FMN1: variants seen among roughly 807,000 people sequenced by gnomAD.
The protein encoded by FMN1 is formin-1.
Under a neutral mutation model 132.4 loss-of-function variants are expected in FMN1, and 110 were observed. The observed-to-expected ratio is 0.83, with a 90% CI of 0.71 to 0.97. FMN1 has a LOEUF of 0.97. Ranked by LOEUF, FMN1 falls within the 50% of genes least tolerant of loss-of-function variation. FMN1 has a pLI of 0.00. For synonymous variants in FMN1, 722 were observed against 651.7 expected, an observed-to-expected ratio of 1.11 and a Z score of -1.64; for missense variants, 1,792 against 1,705.3, an observed-to-expected ratio of 1.05 and a Z score of -0.90.
intron 4 of FMN1, among the ~76,000 whole-genome samples, chr15:33,110,531 G>A (rs1245606822): frequency 6.6e-6 from 1 of 151,894 alleles, no homozygotes; most frequent in African/African-American, 2.4e-5. Context: ...TAACAAAAAG[G>A]TAAAATTCTG....
chr15:32,818,731 C>A (rs1279030722), intron 17 of FMN1, among the ~76,000 whole-genome samples: 1 of 152,022 alleles, frequency 6.6e-6, no homozygotes, highest in African/African-American at 2.4e-5. Context: ...TCAGTATATT[C>A]TTGGAAGCAA....
intron 16 of FMN1, among the ~76,000 whole-genome samples, chr15:32,876,038 T>C (rs550460640): frequency 1.3e-5 from 2 of 152,254 alleles, no homozygotes; most frequent in South Asian, 2.1e-4. Flanking sequence ...ATCACCATTA[T>C]AATTACAAGA....
chr15:32,985,124 G>A (rs1470247437), intron 7 of FMN1, among the ~76,000 whole-genome samples: 19 of 151,856 alleles, frequency 1.3e-4, no homozygotes, highest in Non-Finnish European at 2.4e-4. Context: ...TTTACCATAC[G>A]CTCTGTGTAA....
At chr15:32,907,995 C>T (rs35104469) in intron 12 of FMN1, among the ~76,000 whole-genome samples, 23,940 of 152,048 alleles carry the variant, frequency 0.16, 2,498 homozygotes, top group Non-Finnish European at 0.23. Context: ...GAAAAACAAG[C>T]ATGTACAGAG....
intron 8 of FMN1, among the ~76,000 whole-genome samples, chr15:32,967,031 T>A (rs892553754): frequency 6.6e-6 from 1 of 152,240 alleles, no homozygotes; most frequent in Non-Finnish European, 1.5e-5. Context: ...CCCCGTGTTA[T>A]GTTTCAGGTT....
At chr15:32,945,214 G>A (rs117137376) in intron 9 of FMN1, among the ~76,000 whole-genome samples, 9 of 152,046 alleles carry the variant, frequency 5.9e-5, no homozygotes, top group Non-Finnish European at 1.0e-4. Flanking sequence ...CACTTAGCAC[G>A]GTGCCAATAC....
intron 4 of FMN1, among the ~76,000 whole-genome samples, chr15:33,141,302 C>G (rs571122238): frequency 2.0e-5 from 3 of 152,292 alleles, no homozygotes; most frequent in African/African-American, 7.2e-5. Context: ...TCAAAATCCA[C>G]CTGAAATAGA....
intron 4 of FMN1, among the ~76,000 whole-genome samples, chr15:33,141,304 T>A (rs1055770253): frequency 3.9e-5 from 6 of 152,214 alleles, no homozygotes; most frequent in African/African-American, 1.4e-4. Flanking sequence ...AAAATCCACC[T>A]GAAATAGATT....
chr15:32,830,956 A>AC (rs1490154080), intron 17 of FMN1, among the ~76,000 whole-genome samples: 3 of 151,552 alleles, frequency 2.0e-5, no homozygotes, highest in South Asian at 2.1e-4. Flanking sequence ...TCCTCCAAAC[A>AC]CCCCCCACCA....
chr15:33,169,698 G>A (rs573955829), intron 3 of FMN1, among the ~76,000 whole-genome samples: 14 of 150,140 alleles, frequency 9.3e-5, no homozygotes, highest in Non-Finnish European at 1.3e-4. Context: ...CGCTGGGCCC[G>A]GAGATCCAGC....
chr15:33,004,241 T>C (rs1228211454), intron 7 of FMN1, among the ~76,000 whole-genome samples: 1 of 152,094 alleles, frequency 6.6e-6, no homozygotes, highest in Non-Finnish European at 1.5e-5. Context: ...GAAACCACCA[T>C]CAGAGTGAAC....
At chr15:32,810,558 T>C (rs1382432453) in intron 17 of FMN1, among the ~76,000 whole-genome samples, 3 of 152,212 alleles carry the variant, frequency 2.0e-5, no homozygotes, top group African/African-American at 7.2e-5. Flanking sequence ...AGAAAGTTTT[T>C]ATAAATAAAA....
At chr15:33,142,519 T>G (rs1047971153) in intron 4 of FMN1, among the ~76,000 whole-genome samples, 4 of 152,214 alleles carry the variant, frequency 2.6e-5, no homozygotes, top group African/African-American at 9.7e-5. Flanking sequence ...GCTTGTGGCA[T>G]GCCAATGATA....
intron 17 of FMN1, among the ~76,000 whole-genome samples, chr15:32,849,319 A>G (rs2058947423): frequency 6.6e-6 from 1 of 151,572 alleles, no homozygotes; most frequent in East Asian, 1.9e-4. Flanking sequence ...ATTTGTTCTC[A>G]CTGTTAGGTA....
chr15:32,889,092 C>T (rs1256666087), intron 15 of FMN1, among the ~76,000 whole-genome samples: 22 of 152,184 alleles, frequency 1.4e-4, no homozygotes, highest in Admixed American at 6.5e-5. Flanking sequence ...TGGGCTCAAG[C>T]GATCCTCCAG....
At chr15:33,089,397 A>G (rs2038824779) in intron 4 of FMN1, among the ~76,000 whole-genome samples, 1 of 152,172 alleles carries the variant, frequency 6.6e-6, no homozygotes, top group Admixed American at 6.5e-5. Flanking sequence ...GTTCATCTTC[A>G]TTTCTGGGAA....
At chr15:33,074,476 G>T (rs1410170318) in intron 5 of FMN1, among the ~76,000 whole-genome samples, 1 of 152,168 alleles carries the variant, frequency 6.6e-6, no homozygotes, top group Admixed American at 6.5e-5. Flanking sequence ...CCTGCCTCTT[G>T]CAAGGACTGT....
intron 4 of FMN1, among the ~76,000 whole-genome samples, chr15:33,148,795 C>T (rs1964330590): frequency 6.6e-6 from 1 of 152,160 alleles, no homozygotes; most frequent in African/African-American, 2.4e-5. Context: ...GCTCTATCCT[C>T]ATCCTATCCC....
At chr15:32,978,224 T>C (rs1468386523) in intron 7 of FMN1, among the ~76,000 whole-genome samples, 1 of 152,166 alleles carries the variant, frequency 6.6e-6, no homozygotes, top group East Asian at 1.9e-4. Context: ...TCAGCAAATA[T>C]AACCATGGAT....
Sources: allele counts gnomAD v4.1 joint callset (sites outside exome capture counted in the v4.1 genomes callset), GRCh38; gene constraint gnomAD v4.1.1; transcripts MANE v1.5; gene names NCBI Gene and HGNC (gene_info 2026-07-23, HGNC 2026-07-21).